Variants in ANO2 observed in about 807,000 individuals in gnomAD.
ANO2 encodes the protein anoctamin-2.
ANO2 carries 101 observed loss-of-function variants against 124.2 expected under a neutral mutation model. That is an observed-to-expected ratio of 0.81 (90% CI 0.69 to 0.96). The LOEUF (loss-of-function observed/expected upper bound fraction) is 0.96. Ranked by LOEUF, ANO2 falls within the 40% of genes least tolerant of loss-of-function variation. The pLI is 0.00. For synonymous variants in ANO2, 486 were observed against 482.5 expected (o/e 1.01, Z -0.09); for missense variants, 1,293 against 1,274.5 (o/e 1.01, Z -0.22).
At chr12:5,693,815 A>G (rs1949045342) in intron 14 of ANO2, among the ~76,000 whole-genome samples, 2 of 151,496 alleles carry the variant, frequency 1.3e-5, no homozygotes, top group Non-Finnish European at 2.9e-5. Flanking sequence ...CTTTCCCCTC[A>G]CTGCCACATG....
intron 7 of ANO2, among the ~76,000 whole-genome samples, chr12:5,822,964 G>C (rs1328066835): frequency 3.3e-5 from 5 of 152,202 alleles, no homozygotes; most frequent in African/African-American, 1.2e-4. Flanking sequence ...AAACCCATCA[G>C]ATCTCATGAG....
chr12:5,886,412 G>C (rs7488901), intron 3 of ANO2, among the ~76,000 whole-genome samples: 1 of 151,934 alleles, frequency 6.6e-6, no homozygotes, highest in Admixed American at 6.5e-5. Flanking sequence ...GTTTGCCTGG[G>C]GCTGAGGGGA....
intron 14 of ANO2, among the ~76,000 whole-genome samples, chr12:5,665,508 G>C (rs251775): frequency 0.27 from 41,762 of 152,032 alleles, 6,118 homozygotes; most frequent in African/African-American, 0.36. Flanking sequence ...AATAGAGACA[G>C]ACTGGCATAA....
intron 7 of ANO2, 65 bp downstream of exon 7, chr12:5,827,704 G>A (rs779643754): frequency 1.9e-6 from 3 of 1,544,020 alleles, no homozygotes; most frequent in Non-Finnish European, 1.8e-6. Flanking sequence ...GGGAGCTGTT[G>A]AAAGCACGGG....
intron 17 of ANO2, 116 bp from the exon 18 acceptor site, chr12:5,613,074 G>T: frequency 1.0e-6 from 1 of 1,000,310 alleles, no homozygotes; most frequent in South Asian, 1.3e-5. Context: ...GCACTGGTCA[G>T]GGCGAGTGCT....
At chr12:5,640,589 G>A (rs1319358333) in intron 15 of ANO2, among the ~76,000 whole-genome samples, 2 of 152,144 alleles carry the variant, frequency 1.3e-5, no homozygotes, top group Non-Finnish European at 2.9e-5. Context: ...CTTCTCAAAA[G>A]AAGACATTTA....
At chr12:5,726,804 C>T (rs1950458136) in intron 14 of ANO2, among the ~76,000 whole-genome samples, 1 of 152,158 alleles carries the variant, frequency 6.6e-6, no homozygotes, top group South Asian at 2.1e-4. Flanking sequence ...ACAGTCCAAT[C>T]CCCCAAACCA....
chr12:5,624,325 T>C (rs1945289496), intron 16 of ANO2, among the ~76,000 whole-genome samples: 2 of 151,532 alleles, frequency 1.3e-5, no homozygotes, highest in South Asian at 4.1e-4. Flanking sequence ...AGGCCAATCA[T>C]GAGAATCCTC....
intron 1 of ANO2, among the ~76,000 whole-genome samples, chr12:5,939,850 G>A (rs555549909): frequency 6.6e-6 from 1 of 152,328 alleles, no homozygotes; most frequent in African/African-American, 2.4e-5. Context: ...TGTTCAGGAA[G>A]AAGAGGAGAA....
intron 14 of ANO2, among the ~76,000 whole-genome samples, chr12:5,695,710 G>A (rs370385389): frequency 2.8e-4 from 43 of 152,158 alleles, no homozygotes; most frequent in East Asian, 1.7e-3. Context: ...GCCTGGTGGC[G>A]CGTGCCTGTA....
At chr12:5,915,646 C>T (rs1454322025) in intron 3 of ANO2, among the ~76,000 whole-genome samples, 2 of 152,210 alleles carry the variant, frequency 1.3e-5, no homozygotes. Flanking sequence ...ACCGCACCTA[C>T]TGTTCAAACT....
intron 10 of ANO2, among the ~76,000 whole-genome samples, chr12:5,799,210 G>C (rs1374984384): frequency 2.0e-5 from 3 of 152,200 alleles, no homozygotes; most frequent in Non-Finnish European, 2.9e-5. Context: ...AAAGAAATGA[G>C]ACAGCTCCAT....
At chr12:5,878,194 C>T (rs1178448704) in intron 3 of ANO2, among the ~76,000 whole-genome samples, 1 of 152,190 alleles carries the variant, frequency 6.6e-6, no homozygotes, top group East Asian at 1.9e-4. Context: ...AGGCACTGTA[C>T]AAACCAGATT....
At chr12:5,678,564 G>A (rs1038976611) in intron 14 of ANO2, among the ~76,000 whole-genome samples, 1 of 152,204 alleles carries the variant, frequency 6.6e-6, no homozygotes. Flanking sequence ...AATTTTCCAA[G>A]GGATTTACTG....
chr12:5,912,445 G>T (rs916856433), intron 3 of ANO2, among the ~76,000 whole-genome samples: 2 of 152,180 alleles, frequency 1.3e-5, no homozygotes, highest in Admixed American at 1.3e-4. Flanking sequence ...GGGGTGGGGG[G>T]AGGCTAAAAC....
intron 4 of ANO2, chr12:5,852,012 G>T: frequency 1.4e-6 from 1 of 718,920 alleles, no homozygotes; most frequent in Non-Finnish European, 2.5e-6. Flanking sequence ...GACACAAATA[G>T]AATGAGGTTA....
intron 21 of ANO2, 31 bp downstream of exon 21, chr12:5,578,335 G>GC (rs1454255785): frequency 6.2e-7 from 1 of 1,605,352 alleles, no homozygotes; most frequent in Non-Finnish European, 8.5e-7. Flanking sequence ...AGAAGGATGG[G>GC]CCTGGTGGGG....
Position 5,562,984 on chromosome 12 carries a change from T to C in ANO2, c.*315A>G, listed in dbSNP as rs1941520611. 5.6e-6 allele frequency: 2 copies of C among 359,004 alleles called. No homozygotes were observed. The highest frequency in any genetic ancestry group is 1.1e-4 in the East Asian group (2 of 18,138). The allele number at this position is 359,004 out of a possible 1,614,324, so 22.2% of individuals were successfully genotyped here. ...TGAAGTACAAGAGGGTGCCCCAGGG[T>C]ACATGGGAATGCTCGCGGTGCCTGA... is the stretch of plus-strand genomic sequence containing the variant. On this transcript the variant is annotated 3_prime_UTR_variant, in exon 25 of 25. Coordinates refer to ENST00000682330, the MANE Select transcript of ANO2 (RefSeq NM_001364791.2).
chr12:5,728,133 G>A (rs981529577), intron 14 of ANO2, among the ~76,000 whole-genome samples: 4 of 152,124 alleles, frequency 2.6e-5, no homozygotes, highest in Admixed American at 1.3e-4. Flanking sequence ...CATTGTACAG[G>A]AGATTCCAAT....
Sources: allele counts gnomAD v4.1 joint callset (sites outside exome capture counted in the v4.1 genomes callset), GRCh38; gene constraint gnomAD v4.1.1; transcripts MANE v1.5; gene names NCBI Gene and HGNC (gene_info 2026-07-23, HGNC 2026-07-21).